The following ZNF236 variants were observed in gnomAD, a reference collection of about 807,000 sequenced individuals.
The protein encoded by ZNF236 is regulated by glucose.
ZNF236 carries 50 observed loss-of-function variants against 191.2 expected under a neutral mutation model. The ratio of observed to expected loss-of-function variants is 0.26; its 90% CI spans 0.21 to 0.33. The LOEUF (loss-of-function observed/expected upper bound fraction) is 0.33. ZNF236 is among the 10% of genes least tolerant of loss of function. ZNF236 has a pLI of 1.00. For missense variants in ZNF236, 1,754 were observed against 2,374.5 expected, an observed-to-expected ratio of 0.74 and a Z score of 5.43; for synonymous variants, 907 against 928.8, an observed-to-expected ratio of 0.98 and a Z score of 0.43.
At chr18:76,832,192 A>T (rs1248194164) in intron 1 of ZNF236, among the ~76,000 whole-genome samples, 7 of 152,174 alleles carry the variant, frequency 4.6e-5, no homozygotes, top group South Asian at 4.1e-4. Flanking sequence ...CGATTCTTGT[A>T]CCTCAGCCTC....
Position 76,959,549 on chromosome 18 carries a change from T to G in ZNF236, c.5113-138T>G, listed in dbSNP as rs1393560861. 7 of 1,079,726 alleles carry G rather than the reference T, an allele frequency of 6.5e-6. No individual in the cohort carries two copies. The Admixed American group carries it at 2.1e-4, about 32-fold the overall frequency. The allele number at this position is 1,079,726 out of a possible 1,614,324, so 66.9% of individuals were successfully genotyped here. A position where few individuals can be genotyped will look rare whatever the true frequency, so the allele number is the denominator to read the frequency against. On this transcript the variant is annotated intron_variant, in intron 28 of 30. Coordinates refer to ENST00000320610, the MANE Select transcript of ZNF236 (RefSeq NM_001306089.2). ...GTCACTACCGATGCATTGAAGTCCT[T>G]AAGAACACAAATCACAGATTAGCCT...
At chr18:76,895,445 C>A in intron 10 of ZNF236, 160 bp downstream of exon 10, 1 of 1,053,400 alleles carries the variant, frequency 9.5e-7, no homozygotes, top group African/African-American at 1.6e-5. Context: ...CACAGTACTG[C>A]ACGTAAGTGT....
chr18:76,965,189 A>G (rs1232008542), intron 30 of ZNF236, among the ~76,000 whole-genome samples: 2 of 152,148 alleles, frequency 1.3e-5, no homozygotes, highest in African/African-American at 4.8e-5. Context: ...GAGACTTTTC[A>G]GAGCATTTTG....
chr18:76,849,578 A>G lies in ZNF236; in HGVS notation c.108A>G (p.Pro36=). 6.2e-7 allele frequency: 1 copy of G among 1,612,348 alleles called. No individual in the cohort carries two copies. Among genetic ancestry groups the G allele is most frequent in the Middle Eastern group, 1.7e-4 (1 of 6,058 alleles). The change falls in exon 2 of 31, where the codon CCA becomes CCG. Residue 36 remains proline, a synonymous_variant. Transcript: ENST00000320610. ...AENTNYAYQV[P]NFHKCEICLL... The stretch of plus-strand genomic sequence containing the variant: ...ACACTAATTATGCCTATCAAGTTCC[A>G]AACTTCCATAAATGTGAAATCTGTC...
At chr18:76,900,774 TAAAAG>T (rs1240545662) in intron 11 of ZNF236, among the ~76,000 whole-genome samples, 1 of 152,050 alleles carries the variant, frequency 6.6e-6, no homozygotes, top group Admixed American at 6.6e-5. Flanking sequence ...CTAGGAAAAT[TAAAAG>T]AAAGTAGCAG....
In ZNF236 at chr18:76,880,741, T is replaced by C. The variant is rs563016301; in HGVS notation, c.1188+425T>C. ...CTCTCGTGGGTGTGTGGGCAGCACCTGCACGTGTGGGAGAGGAGGGGGGCA... is the reference window on the plus strand; with the variant it reads ...CTCTCGTGGGTGTGTGGGCAGCACCCGCACGTGTGGGAGAGGAGGGGGGCA... On this transcript the variant is annotated intron_variant, in intron 8 of 30. Transcript: ENST00000320610. The surrounding 1 kb of genome is among the most constrained non-coding windows in gnomAD (Gnocchi z 5.0). Among the ~76,000 whole-genome samples, 4 of 152,298 alleles carry C rather than the reference T, an allele frequency of 2.6e-5. No homozygotes were observed. Among genetic ancestry groups the C allele is most frequent in the African/African-American group, 9.6e-5 (4 of 41,572 alleles).
At chr18:76,947,288 G>A (rs889503330) in intron 26 of ZNF236, among the ~76,000 whole-genome samples, 2 of 152,204 alleles carry the variant, frequency 1.3e-5, no homozygotes, top group East Asian at 1.9e-4. Flanking sequence ...CGGTTGATGG[G>A]CATTTGGGCT....
At position 76,960,009 on chromosome 18, in the gene ZNF236, G is replaced by T. The variant is rs1409581262; in HGVS notation, c.5242+193G>T. Among the ~76,000 whole-genome samples the T allele has an allele frequency of 6.6e-6, 1 of 152,138 alleles. No individual in the cohort carries two copies. Among genetic ancestry groups the T allele is most frequent in the Non-Finnish European group, 1.5e-5 (1 of 68,034 alleles). On this transcript the variant is annotated intron_variant, in intron 29 of 30. Coordinates refer to ENST00000320610, the MANE Select transcript of ZNF236 (RefSeq NM_001306089.2). This position sits in a 1 kb window ranked among gnomAD's most constrained non-coding sequence, Gnocchi z 4.4. ...ACTAACTTTTCACATGGAAGATTTT[G>T]CTGCTTACATTATGACCATATGAAA...
At chr18:76,837,121 A>ACCCCCCCCCCCCCCCCCCCCCCCCCC (rs1257822007) in intron 1 of ZNF236, among the ~76,000 whole-genome samples, 1 of 32,692 alleles carries the variant, frequency 3.1e-5, no homozygotes. Flanking sequence ...AGTGATCCGC[A>ACCCCCCCCCCCCCCCCCCCCCCCCCC]CCCCCTCCCC....
chr18:76,873,132 T>C (rs1346770016), intron 5 of ZNF236, among the ~76,000 whole-genome samples: 1 of 152,216 alleles, frequency 6.6e-6, no homozygotes, highest in African/African-American at 2.4e-5. Flanking sequence ...GTGTAGTCTT[T>C]GAAGTTTTAA....
intron 1 of ZNF236, among the ~76,000 whole-genome samples, chr18:76,842,573 G>T (rs1467314853): frequency 6.6e-6 from 1 of 152,020 alleles, no homozygotes; most frequent in African/African-American, 2.4e-5. Context: ...CCAACATGGA[G>T]AAACCCCATG....
At position 76,959,767 on chromosome 18, in the gene ZNF236, G is replaced by A. The variant is rs912469296; in HGVS notation, c.5193G>A (p.Lys1731=). Residue 1731 remains lysine, a synonymous_variant, in exon 29 of 31, where the codon AAG becomes AAA. Transcript: ENST00000320610. ...PRVFKCDTCE[K]AFAKPSQLER... ...TGTTTAAATGTGACACTTGTGAGAA[G>A]GCATTTGCCAAACCAAGCCAGCTGG... 6 of 1,614,084 alleles carry A rather than the reference G, an allele frequency of 3.7e-6. No homozygotes were observed. Among genetic ancestry groups the A allele is most frequent in the Non-Finnish European group, 4.2e-6 (5 of 1,179,994 alleles).
rs1001271661 is a variant in ZNF236, at chr18:76,970,214, C to G, written c.*1875C>G. 2.6e-5 allele frequency: 4 copies of G among 152,558 alleles called. No homozygotes were observed. The highest frequency in any genetic ancestry group is 9.7e-5 in the African/African-American group (4 of 41,424). 9.5% of individuals were successfully genotyped at this position (152,558 alleles called of 1,614,324 possible). On this transcript the variant is annotated 3_prime_UTR_variant, in exon 31 of 31. Coordinates refer to ENST00000320610, the MANE Select transcript of ZNF236 (RefSeq NM_001306089.2). ...TTGGAATTTTAAACTTTTGTTCTTG[C>G]TGGGTTATTTATTTTGATTTTAGCA...
At chr18:76,856,071 T>A (rs955734794) in intron 3 of ZNF236, among the ~76,000 whole-genome samples, 1 of 152,102 alleles carries the variant, frequency 6.6e-6, no homozygotes, top group African/African-American at 2.4e-5. Flanking sequence ...TTTAAAAAAA[T>A]TATTACTTAA....
chr18:76,854,199 A>G (rs1975973788), intron 3 of ZNF236, among the ~76,000 whole-genome samples: 1 of 152,204 alleles, frequency 6.6e-6, no homozygotes, highest in Admixed American at 6.5e-5. Context: ...CAATTTAAAA[A>G]TCAATTAGTT....
chr18:76,868,975 C>T (rs758385094), intron 4 of ZNF236, 112 bp downstream of exon 4: 113 of 1,021,896 alleles, frequency 1.1e-4, no homozygotes, highest in Non-Finnish European at 8.4e-5. Flanking sequence ...CAAAGTGGAA[C>T]CCCACAGATA....
intron 3 of ZNF236, among the ~76,000 whole-genome samples, chr18:76,854,428 A>G (rs1222993114): frequency 1.3e-5 from 2 of 152,132 alleles, no homozygotes; most frequent in African/African-American, 4.8e-5. Context: ...CATCAAAGTT[A>G]TCACTCATTA....
chr18:76,834,506 G>A (rs936886514), intron 1 of ZNF236: 47 of 458,894 alleles, frequency 1.0e-4, no homozygotes, highest in Non-Finnish European at 1.3e-4. Flanking sequence ...TTGGCTTTCC[G>A]TTCAAGGAGC....
intron 3 of ZNF236, among the ~76,000 whole-genome samples, chr18:76,857,724 C>G (rs1316352061): frequency 6.6e-6 from 1 of 152,154 alleles, no homozygotes; most frequent in Admixed American, 6.5e-5. Context: ...TCTAGTGTGT[C>G]TCTGCTGTGT....
Sources: allele counts gnomAD v4.1 joint callset (sites outside exome capture counted in the v4.1 genomes callset), GRCh38; gene constraint gnomAD v4.1.1; non-coding constraint Gnocchi (gnomAD v3.1); transcripts MANE v1.5; gene names NCBI Gene and HGNC (gene_info 2026-07-23, HGNC 2026-07-21).